Variants in AGBL4 observed in about 807,000 individuals in gnomAD.
AGBL4 encodes the protein cytosolic carboxypeptidase 6.
Under a neutral mutation model 66.4 loss-of-function variants are expected in AGBL4, and 58 were observed. The ratio of observed to expected loss-of-function variants is 0.87; its 90% CI spans 0.71 to 1.09. AGBL4 has a LOEUF of 1.09. Among genes scored for constraint, AGBL4 ranks in the 50% least tolerant of loss-of-function variants. AGBL4 has a pLI of 0.00. For synonymous variants in AGBL4, 234 were observed against 222.9 expected (o/e 1.05, Z -0.44); for missense variants, 579 against 631.0 (o/e 0.92, Z 0.88).
At chr1:49,598,402 G>A (rs993354018) in intron 3 of AGBL4, among the ~76,000 whole-genome samples, 1 of 152,162 alleles carries the variant, frequency 6.6e-6, no homozygotes, top group African/African-American at 2.4e-5. Flanking sequence ...TGGTGTGGAT[G>A]TCCTTTCTAT....
intron 4 of AGBL4, among the ~76,000 whole-genome samples, chr1:49,086,480 C>G (rs1644909393): frequency 6.6e-6 from 1 of 152,060 alleles, no homozygotes; most frequent in African/African-American, 2.4e-5. Flanking sequence ...GTAAACTCAG[C>G]TGAAGTTTAC....
chr1:49,997,066 G>A (rs745991954), intron 1 of AGBL4, among the ~76,000 whole-genome samples: 3 of 152,024 alleles, frequency 2.0e-5, no homozygotes, highest in Non-Finnish European at 4.4e-5. Flanking sequence ...TCTAAATCTT[G>A]AAACGAATCC....
intron 3 of AGBL4, among the ~76,000 whole-genome samples, chr1:49,303,691 A>T (rs970712622): frequency 1.3e-5 from 2 of 151,168 alleles, no homozygotes; most frequent in African/African-American, 4.9e-5. Flanking sequence ...GGCAAAGCTG[A>T]TCTCAAACTC....
In AGBL4 at chr1:49,668,736, G is replaced by C. The variant is rs1646417775; in HGVS notation, c.282+28577C>G. On this transcript the variant is annotated intron_variant, in intron 3 of 13. Coordinates refer to ENST00000371839, the MANE Select transcript of AGBL4 (RefSeq NM_032785.4). ...CACTCCTGAATTGATTAGAAGCACA[G>C]TTATCAGTCCCTGTTTTAAAGAAAT... 2.0e-5 allele frequency among the ~76,000 whole-genome samples: 3 copies of C among 152,288 alleles called. No homozygotes were observed. The South Asian group carries it at 6.2e-4, about 32-fold the overall frequency.
At chr1:48,687,564 T>C (rs900216000) in intron 6 of AGBL4, among the ~76,000 whole-genome samples, 1 of 152,156 alleles carries the variant, frequency 6.6e-6, no homozygotes, top group African/African-American at 2.4e-5. Flanking sequence ...GGTCTGGTGA[T>C]CTCAGATGGG....
chr1:49,595,023 C>A lies in AGBL4; in HGVS notation c.282+102290G>T, dbSNP rs551876061. Among the ~76,000 whole-genome samples the A allele has an allele frequency of 1.8e-4, 27 of 152,292 alleles. No individual in the cohort carries two copies. In the South Asian group the frequency reaches 5.6e-3, roughly 32 times the overall value. On this transcript the variant is annotated intron_variant, in intron 3 of 13. Transcript: ENST00000371839. ...GCGTTCCTATTTCTCCACATCCTCA[C>A]CAGCAACTGTTTTTTCCCGACTTTT... is the stretch of plus-strand genomic sequence containing the variant.
At chr1:48,693,467 C>T (rs929468954) in intron 6 of AGBL4, among the ~76,000 whole-genome samples, 9 of 152,110 alleles carry the variant, frequency 5.9e-5, no homozygotes, top group African/African-American at 1.9e-4. Context: ...AGGTGGTCTC[C>T]GCGCTGACCT....
At chr1:49,088,671 T>C (rs907699322) in intron 4 of AGBL4, among the ~76,000 whole-genome samples, 5 of 152,220 alleles carry the variant, frequency 3.3e-5, no homozygotes, top group Non-Finnish European at 4.4e-5. Flanking sequence ...CAACATCCCA[T>C]TGACAGTATT....
chr1:49,026,865 T>C (rs906967787), intron 5 of AGBL4, among the ~76,000 whole-genome samples: 2 of 152,216 alleles, frequency 1.3e-5, no homozygotes, highest in Non-Finnish European at 2.9e-5. Flanking sequence ...TTCATAAATA[T>C]TTGTTTAATG....
chr1:49,195,500 A>G (rs1428776677), intron 4 of AGBL4, among the ~76,000 whole-genome samples: 1 of 152,030 alleles, frequency 6.6e-6, no homozygotes, highest in African/African-American at 2.4e-5. Context: ...TCTGGTTTGT[A>G]AGGTGTCTGC....
At chr1:49,378,312 C>G (rs769709494) in intron 3 of AGBL4, among the ~76,000 whole-genome samples, 27 of 152,060 alleles carry the variant, frequency 1.8e-4, no homozygotes, top group Non-Finnish European at 2.9e-4. Context: ...CACATATTTT[C>G]TTTGTGATCT....
At chr1:49,022,342 AT>A (rs1663311541) in intron 5 of AGBL4, among the ~76,000 whole-genome samples, 1 of 152,112 alleles carries the variant, frequency 6.6e-6, no homozygotes, top group Non-Finnish European at 1.5e-5. Flanking sequence ...CTTAGGTTCC[AT>A]TTTCTGAAAT....
At chr1:48,754,055 C>T (rs1280673835) in intron 6 of AGBL4, among the ~76,000 whole-genome samples, 1 of 152,154 alleles carries the variant, frequency 6.6e-6, no homozygotes, top group Non-Finnish European at 1.5e-5. Context: ...CCTCACAGAG[C>T]CCTTGAGAGT....
intron 3 of AGBL4, among the ~76,000 whole-genome samples, chr1:49,615,632 T>C (rs1571178742): frequency 6.6e-6 from 1 of 151,890 alleles, no homozygotes; most frequent in Middle Eastern, 3.4e-3. Context: ...GCAAATATAC[T>C]GAGAAAAAAA....
intron 1 of AGBL4, chr1:49,994,522 T>C (rs1660213817): frequency 2.6e-5 from 4 of 152,344 alleles, no homozygotes; most frequent in Admixed American, 2.0e-4. Flanking sequence ...AAGGCTGAAG[T>C]AAGCCACAAT....
intron 9 of AGBL4, among the ~76,000 whole-genome samples, chr1:48,600,263 A>T (rs1265367659): frequency 2.0e-5 from 3 of 152,140 alleles, no homozygotes; most frequent in African/African-American, 7.2e-5. Flanking sequence ...AGACTCAGAG[A>T]AAGGGGTATA....
intron 4 of AGBL4, among the ~76,000 whole-genome samples, chr1:49,086,031 G>A (rs151099225): frequency 3.3e-5 from 5 of 152,192 alleles, no homozygotes; most frequent in Admixed American, 6.5e-5. Context: ...CTCCAGCCCC[G>A]TGGTCTCATT....
chr1:49,428,298 G>T (rs1212624352), intron 3 of AGBL4, among the ~76,000 whole-genome samples: 2 of 152,182 alleles, frequency 1.3e-5, no homozygotes, highest in African/African-American at 4.8e-5. Context: ...GATTCATAGT[G>T]GGCAAAAGGG....
intron 1 of AGBL4, among the ~76,000 whole-genome samples, chr1:49,880,230 A>C (rs1199427464): frequency 1.3e-5 from 2 of 151,674 alleles, no homozygotes; most frequent in Non-Finnish European, 2.9e-5. Context: ...GGAGGAGGAG[A>C]GGCGCTCTGC....
Sources: gnomAD v4.1 joint callset for allele counts (sites outside exome capture counted in the v4.1 genomes callset) on GRCh38, gnomAD v4.1.1 for gene constraint, MANE v1.5 for transcripts, NCBI Gene and HGNC (gene_info 2026-07-23, HGNC 2026-07-21) for gene names.